The following MYLK variants were observed in gnomAD, a reference collection of about 807,000 sequenced individuals.
MYLK encodes the protein myosin light chain kinase, also known as myosin light chain kinase, smooth muscle.
A neutral mutation model predicts 203.4 loss-of-function variants in MYLK; 106 were observed. That is an observed-to-expected ratio of 0.52 (90% CI 0.45 to 0.61). The LOEUF (loss-of-function observed/expected upper bound fraction) is 0.61. Among genes scored for constraint, MYLK ranks in the 20% least tolerant of loss-of-function variants. MYLK has a pLI of 0.00. For synonymous variants in MYLK, 867 were observed against 959.5 expected (o/e 0.90, Z 1.78); for missense variants, 2,072 against 2,442.3 (o/e 0.85, Z 3.20).
At chr3:123,730,789 AT>A (rs2062447926) in intron 11 of MYLK, among the ~76,000 whole-genome samples, 1 of 152,146 alleles carries the variant, frequency 6.6e-6, no homozygotes. Context: ...AATGGGTAGG[AT>A]TTTTTTGGGA....
chr3:123,648,946 A>G lies in MYLK; in HGVS notation c.4415+25T>C, dbSNP rs1416691296. ...CGCACCACCCTCACCCTGGGAGCCCAGAGGCAACTTCCCACTCCACTTACG... is the reference window on the plus strand; with the variant it reads ...CGCACCACCCTCACCCTGGGAGCCCGGAGGCAACTTCCCACTCCACTTACG... On this transcript the variant is annotated intron_variant, in intron 26 of 33. Transcript: ENST00000360304. This position sits in a 1 kb window ranked among gnomAD's most constrained non-coding sequence, Gnocchi z 4.5. 6.2e-7 allele frequency: 1 copy of G among 1,607,104 alleles called. No individual in the cohort carries two copies. Among genetic ancestry groups the G allele is most frequent in the Admixed American group, 1.7e-5 (1 of 60,010 alleles).
chr3:123,829,858 C>T (rs752485604), intron 3 of MYLK, among the ~76,000 whole-genome samples: 2 of 152,214 alleles, frequency 1.3e-5, no homozygotes, highest in Non-Finnish European at 2.9e-5. Context: ...TTCTAGACTG[C>T]CTTTGCACTG....
At chr3:123,759,046 A>G (rs752503601) in intron 4 of MYLK, among the ~76,000 whole-genome samples, 1 of 152,142 alleles carries the variant, frequency 6.6e-6, no homozygotes, top group African/African-American at 2.4e-5. Context: ...GCTGGTCTTG[A>G]ACTTCTGGTC....
chr3:123,664,152 T>C lies in MYLK; in HGVS notation c.3938A>G (p.Glu1313Gly). The change falls in exon 23 of 34, where the codon GAG (glutamate) becomes GGG (glycine). Residue 1313 changes from glutamate (E) to glycine (G), a missense_variant. Around this residue, in one of 3 missense-constraint regions of MYLK, gnomAD observed 524 missense variants for 782.4 expected, o/e 0.67. Transcript: ENST00000360304. ...EHCGCYTLLVENKLGSRQAQV... is the reference protein window; with the variant it reads ...EHCGCYTLLVGNKLGSRQAQV... ...GGCCTGCCTGCTGCCCAGCTTGTTCTCCACCAGCAGTGTGTAGCAGCCGCA... is the reference window on the plus strand; with the variant it reads ...GGCCTGCCTGCTGCCCAGCTTGTTCCCCACCAGCAGTGTGTAGCAGCCGCA... The C allele has an allele frequency of 6.2e-7, 1 of 1,614,086 alleles. No homozygotes were observed. Among genetic ancestry groups the C allele is most frequent in the South Asian group, 1.1e-5 (1 of 91,078 alleles).
At position 123,637,971 on chromosome 3, in the gene MYLK, C is replaced by T. The variant is rs2058702831; in HGVS notation, c.4961+100G>A. Reference sequence around the variant, plus strand: ...CTCTGGGGGGGGCTCCCCATCATGACAATGGCAGGGCAGCCTGGGGACCCT... The same window carrying T: ...CTCTGGGGGGGGCTCCCCATCATGATAATGGCAGGGCAGCCTGGGGACCCT... On this transcript the variant is annotated intron_variant, in intron 29 of 33. Transcript: ENST00000360304. The T allele has an allele frequency of 5.1e-6, 8 of 1,559,380 alleles. No individual in the cohort carries two copies. The South Asian group carries it at 9.1e-5, about 18-fold the overall frequency.
intron 20 of MYLK, among the ~76,000 whole-genome samples, chr3:123,676,611 G>C (rs1237713757): frequency 6.6e-6 from 1 of 152,210 alleles, no homozygotes; most frequent in African/African-American, 2.4e-5. Flanking sequence ...GTTCCAAAGT[G>C]ACTGATGTCA....
chr3:123,723,563 A>G (rs930554907), intron 12 of MYLK, among the ~76,000 whole-genome samples: 1 of 152,172 alleles, frequency 6.6e-6, no homozygotes, highest in Admixed American at 6.5e-5. Context: ...GCCTTTTGAG[A>G]GCTCTCCTTT....
At chr3:123,722,314 C>T in intron 12 of MYLK, 34 bp from the exon 13 acceptor site, 1 of 1,553,578 alleles carries the variant, frequency 6.4e-7, no homozygotes, top group Non-Finnish European at 8.7e-7. Context: ...TCAGGCCAGG[C>T]AGCACTGGCA....
At chr3:123,675,401 C>T (rs769913370) in intron 20 of MYLK, among the ~76,000 whole-genome samples, 1 of 152,198 alleles carries the variant, frequency 6.6e-6, no homozygotes, top group Non-Finnish European at 1.5e-5. Context: ...CAGTAACCCA[C>T]AGAAGTTTCC....
Position 123,709,886 on chromosome 3 carries a change from C to G in MYLK, c.1812G>C (p.Lys604Asn). Residue 604 changes from lysine (K) to asparagine (N), a missense_variant, in exon 14 of 34, where the codon AAG becomes AAC. This residue lies in a region of MYLK where 865 missense variants were observed against 1,016.0 expected (regional missense o/e 0.85). Transcript: ENST00000360304. Reference sequence around the variant, plus strand: ...GAAGGTACTCACTCTTCCTGCTACTCTTCTTTTCTGTGTGGTAGAAAACAG... The same window carrying G: ...GAAGGTACTCACTCTTCCTGCTACTGTTCTTTTCTGTGTGGTAGAAAACAG... The part of the protein sequence containing the change: ...CSAWVTVHEK[K>N]SSRKSEYLLP... 1 of 1,614,122 alleles carries G rather than the reference C, an allele frequency of 6.2e-7. No individual in the cohort carries two copies. The highest frequency in any genetic ancestry group is 1.1e-5 in the South Asian group (1 of 91,086).
At chr3:123,683,316 A>C (rs531820245) in intron 19 of MYLK, among the ~76,000 whole-genome samples, 30 of 152,188 alleles carry the variant, frequency 2.0e-4, no homozygotes, top group Admixed American at 1.2e-3. Context: ...GGGACTTTCC[A>C]GCAGAGGCTC....
intron 5 of MYLK, among the ~76,000 whole-genome samples, chr3:123,744,333 T>C (rs1039779752): frequency 6.6e-6 from 1 of 152,160 alleles, no homozygotes; most frequent in African/African-American, 2.4e-5. Context: ...TCCTAATGCA[T>C]GTTTAGATTT....
In MYLK at chr3:123,671,169, C is replaced by A. The variant is rs188013432; in HGVS notation, c.3653-3982G>T. Among the ~76,000 whole-genome samples, 6 of 152,334 alleles carry A rather than the reference C, an allele frequency of 3.9e-5. No individual in the cohort carries two copies. In the East Asian group the frequency reaches 1.2e-3, roughly 29 times the overall value. ...TACTTTGAGATTTCTTGCATAGATA[C>A]ACGTGGAAAGTCATATTGAAGGAAT... On this transcript the variant is annotated intron_variant, in intron 20 of 33. Coordinates refer to ENST00000360304, the MANE Select transcript of MYLK (RefSeq NM_053025.4).
intron 27 of MYLK, among the ~76,000 whole-genome samples, chr3:123,641,827 TCTCCC>T (rs912434093): frequency 4.5e-5 from 6 of 134,480 alleles, no homozygotes; most frequent in Non-Finnish European, 6.3e-5. Flanking sequence ...CTTTCCTCCT[TCTCCC>T]CTCCCCTCCC....
At chr3:123,787,538 T>C (rs868781386) in intron 4 of MYLK, among the ~76,000 whole-genome samples, 2 of 152,154 alleles carry the variant, frequency 1.3e-5, no homozygotes, top group Non-Finnish European at 2.9e-5. Flanking sequence ...ATTCATCTTA[T>C]TCAAAGATGG....
At chr3:123,826,753 C>T (rs1209386442) in intron 3 of MYLK, among the ~76,000 whole-genome samples, 3 of 152,184 alleles carry the variant, frequency 2.0e-5, no homozygotes, top group Non-Finnish European at 4.4e-5. Context: ...CAAAGCTGCA[C>T]CACTGTCACC....
At chr3:123,759,593 C>T (rs1015711977) in intron 4 of MYLK, among the ~76,000 whole-genome samples, 1 of 152,164 alleles carries the variant, frequency 6.6e-6, no homozygotes, top group East Asian at 1.9e-4. Flanking sequence ...GTGTTAGACC[C>T]GGTGGGGATG....
At chr3:123,862,792 C>CTT (rs2032030100) in intron 2 of MYLK, among the ~76,000 whole-genome samples, 1 of 152,108 alleles carries the variant, frequency 6.6e-6, no homozygotes, top group African/African-American at 2.4e-5. Context: ...GCAGCCCCCA[C>CTT]CTCCCTTCTC....
chr3:123,680,610 A>C (rs973804575), intron 20 of MYLK, among the ~76,000 whole-genome samples: 1 of 152,214 alleles, frequency 6.6e-6, no homozygotes, highest in African/African-American at 2.4e-5. Flanking sequence ...TATCAATGAG[A>C]AATTAATTCC....
Sources: gnomAD v4.1 joint callset for allele counts (sites outside exome capture counted in the v4.1 genomes callset) on GRCh38, gnomAD v4.1.1 for gene constraint, gnomAD v4.1.1 regional missense constraint, Gnocchi (gnomAD v3.1) non-coding constraint, MANE v1.5 for transcripts, NCBI Gene and HGNC (gene_info 2026-07-23, HGNC 2026-07-21) for gene names.